Variants in STEAP2 observed in about 807,000 individuals in gnomAD.
STEAP2 encodes STEAP2 metalloreductase.
Under a neutral mutation model 46.4 loss-of-function variants are expected in STEAP2, and 30 were observed. That is an observed-to-expected ratio of 0.65 (90% CI 0.48 to 0.88). The LOEUF (loss-of-function observed/expected upper bound fraction) is 0.88. Among genes scored for constraint, STEAP2 ranks in the 40% least tolerant of loss-of-function variants. The probability of loss-of-function intolerance (pLI) is 0.00; values close to 1 mark genes in which losing one functional copy is unlikely to be tolerated. For missense variants in STEAP2, 513 were observed against 579.3 expected (o/e 0.89, Z 1.18); for synonymous variants, 180 against 200.5 (o/e 0.90, Z 0.86).
At chr7:90,224,165 G>T (rs1174220761) in intron 2 of STEAP2, among the ~76,000 whole-genome samples, 1 of 151,886 alleles carries the variant, frequency 6.6e-6, no homozygotes, top group Non-Finnish European at 1.5e-5. Context: ...TTTTTCATGT[G>T]CTCTAGTGAG....
At chr7:90,240,171 G>C (rs1201259197), downstream of STEAP2, among the ~76,000 whole-genome samples, 1 of 152,048 alleles carries the variant, frequency 6.6e-6, no homozygotes, top group East Asian at 1.9e-4. The surrounding 1 kb of genome is among the most constrained non-coding windows in gnomAD (Gnocchi z 4.1). Flanking sequence ...TGCTCGTGAG[G>C]CTAAGGTGGG....
intron 5 of STEAP2, among the ~76,000 whole-genome samples, chr7:90,231,224 TTAA>T (rs2116351238): frequency 6.6e-6 from 1 of 152,066 alleles, no homozygotes; most frequent in South Asian, 2.1e-4. Flanking sequence ...TGAAGTATTC[TTAA>T]TAAACTCTAT....
intron 2 of STEAP2, among the ~76,000 whole-genome samples, chr7:90,223,194 C>A (rs1290687882): frequency 6.6e-6 from 1 of 152,176 alleles, no homozygotes; most frequent in Non-Finnish European, 1.5e-5. Context: ...ACTTGAAGGG[C>A]TGTAGGCAGG....
Position 90,234,423 on chromosome 7 carries a change from CTT to C in STEAP2, c.*1802_*1803del. 1.0e-6 allele frequency: 1 copy of C among 984,986 alleles called. No homozygotes were observed. Among genetic ancestry groups the C allele is most frequent in the Non-Finnish European group, 1.2e-6 (1 of 829,692 alleles). The allele number at this position is 984,986 out of a possible 1,614,324, so 61.0% of individuals were successfully genotyped here. A position where few individuals can be genotyped will look rare whatever the true frequency, so the allele number is the denominator to read the frequency against. On this transcript the variant is annotated 3_prime_UTR_variant, in exon 6 of 6. Coordinates refer to ENST00000394621, the MANE Select transcript of STEAP2 (RefSeq NM_001244944.2). ...AATCCAACTGCCAACAATAAAAAGACTTTTATTTAGTAGAGGCTACCTTTCCC... is the reference window on the plus strand; with the variant it reads ...AATCCAACTGCCAACAATAAAAAGACTTATTTAGTAGAGGCTACCTTTCCC...
chr7:90,233,085 GT>G lies in STEAP2; in HGVS notation c.*463del, dbSNP rs2116374737. 1.0e-6 allele frequency: 1 copy of G among 984,712 alleles called. No homozygotes were observed. Among genetic ancestry groups the G allele is most frequent in the Non-Finnish European group, 1.2e-6 (1 of 829,342 alleles). 61.0% of individuals were successfully genotyped at this position (984,712 alleles called of 1,614,324 possible). A position where few individuals can be genotyped will look rare whatever the true frequency, so the allele number is the denominator to read the frequency against. On this transcript the variant is annotated 3_prime_UTR_variant, in exon 6 of 6. Transcript: ENST00000394621. The stretch of plus-strand genomic sequence containing the variant: ...TATACATTTTTTTAAGAAAGGACAC[GT>G]TATGTTAGCATCTAGGTAAGGCTGC...
intron 5 of STEAP2, 62 bp from the exon 6 acceptor site, chr7:90,232,275 T>C (rs1795785426): frequency 6.9e-7 from 1 of 1,455,780 alleles, no homozygotes; most frequent in African/African-American, 1.4e-5. Context: ...ATAGTTTAAT[T>C]TATGAGTTTC....
At chr7:90,223,522 T>A (rs1345475463) in intron 2 of STEAP2, among the ~76,000 whole-genome samples, 1 of 152,234 alleles carries the variant, frequency 6.6e-6, no homozygotes, top group African/African-American at 2.4e-5. Context: ...GTCATAGCGA[T>A]GGTGGTGAGC....
chr7:90,243,096 CA>C (rs1253493549), downstream of STEAP2, among the ~76,000 whole-genome samples: 4 of 152,184 alleles, frequency 2.6e-5, no homozygotes, highest in East Asian at 7.7e-4. Context: ...CTACTCTCAA[CA>C]AAACTTGGTC....
At chr7:90,221,441 C>T (rs757116604) in intron 2 of STEAP2, among the ~76,000 whole-genome samples, 1 of 151,988 alleles carries the variant, frequency 6.6e-6, no homozygotes, top group Non-Finnish European at 1.5e-5. Context: ...AGTATAGTGA[C>T]TTTTGGTTTC....
rs1358839419 is a variant in STEAP2, at chr7:90,232,806, A to T, written c.*182A>T. On this transcript the variant is annotated 3_prime_UTR_variant, in exon 6 of 6. Coordinates refer to ENST00000394621, the MANE Select transcript of STEAP2 (RefSeq NM_001244944.2). ...AATTTTCACAAATGTCATGTTTGCC[A>T]ATATGAATTTTTCTAGTCAACATAT... 31 of 1,302,710 alleles carry T rather than the reference A, an allele frequency of 2.4e-5. No individual in the cohort carries two copies. The highest frequency in any genetic ancestry group is 8.8e-6 in the Non-Finnish European group (9 of 1,025,422). 80.7% of individuals were successfully genotyped at this position (1,302,710 alleles called of 1,614,324 possible).
At chr7:90,224,615 C>G (rs1310833411) in intron 2 of STEAP2, among the ~76,000 whole-genome samples, 1 of 152,202 alleles carries the variant, frequency 6.6e-6, no homozygotes, top group African/African-American at 2.4e-5. Flanking sequence ...GCTAAGCCCC[C>G]ATTTGGGGGC....
chr7:90,212,833 C>G (rs1378961899), intron 1 of STEAP2, among the ~76,000 whole-genome samples: 2 of 145,640 alleles, frequency 1.4e-5, no homozygotes, highest in Non-Finnish European at 3.0e-5. Context: ...CCCCCACCCC[C>G]ACCCCCAACC....
At position 90,235,090 on chromosome 7, in the gene STEAP2, T is replaced by C; in HGVS notation, c.*2466T>C. Reference sequence around the variant, plus strand: ...CTTAACCACTTAATGTGATGAAATATTCCTAAAAGTTAAATGACTATTAAA... The same window carrying C: ...CTTAACCACTTAATGTGATGAAATACTCCTAAAAGTTAAATGACTATTAAA... On this transcript the variant is annotated 3_prime_UTR_variant, in exon 6 of 6. Coordinates refer to ENST00000394621, the MANE Select transcript of STEAP2 (RefSeq NM_001244944.2). The C allele has an allele frequency of 1.1e-6, 1 of 946,308 alleles. No individual in the cohort carries two copies. Among genetic ancestry groups the C allele is most frequent in the Non-Finnish European group, 1.3e-6 (1 of 794,094 alleles). The allele number at this position is 946,308 out of a possible 1,614,324, so 58.6% of individuals were successfully genotyped here.
At chr7:90,229,464 A>G (rs1584245768) in intron 4 of STEAP2, among the ~76,000 whole-genome samples, 1 of 152,306 alleles carries the variant, frequency 6.6e-6, no homozygotes, top group East Asian at 1.9e-4. Flanking sequence ...AGGCCAGACT[A>G]TATCCCAGAT....
In STEAP2 at chr7:90,232,898, A is replaced by G. The variant is rs1168563783; in HGVS notation, c.*274A>G. 1 of 1,050,092 alleles carries G rather than the reference A, an allele frequency of 9.5e-7. No individual in the cohort carries two copies. Among genetic ancestry groups the G allele is most frequent in the East Asian group, 6.7e-5 (1 of 14,860 alleles). The allele number at this position is 1,050,092 out of a possible 1,614,324, so 65.0% of individuals were successfully genotyped here. A position where few individuals can be genotyped will look rare whatever the true frequency, so the allele number is the denominator to read the frequency against. ...TAACCCTGTTGTTACTTTATATTTCATAATCAGGCAAAAATACTTACAGTT... is the reference window on the plus strand; with the variant it reads ...TAACCCTGTTGTTACTTTATATTTCGTAATCAGGCAAAAATACTTACAGTT... On this transcript the variant is annotated 3_prime_UTR_variant, in exon 6 of 6. Transcript: ENST00000394621.
chr7:90,228,238 G>A (rs1167636306), intron 4 of STEAP2, among the ~76,000 whole-genome samples: 2 of 152,162 alleles, frequency 1.3e-5, no homozygotes, highest in Non-Finnish European at 2.9e-5. Flanking sequence ...TGAAAGCCAA[G>A]AACATTGCAC....
intron 4 of STEAP2, among the ~76,000 whole-genome samples, chr7:90,227,930 A>G (rs1277935839): frequency 6.6e-6 from 1 of 152,200 alleles, no homozygotes; most frequent in Non-Finnish European, 1.5e-5. Context: ...AGGAGAAAAA[A>G]GTCGAATACA....
Position 90,236,616 on chromosome 7 carries a change from C to CTT in STEAP2, c.*4000_*4001dup. On this transcript the variant is annotated 3_prime_UTR_variant, in exon 6 of 6. Transcript: ENST00000394621. ...TTTACATGAATGAATGGGTTCTTCA[C>CTT]TTTTTTTTTAGTATGAGAAAATTAT... 1 of 1,131,924 alleles carries CTT rather than the reference C, an allele frequency of 8.8e-7. No individual in the cohort carries two copies. Among genetic ancestry groups the CTT allele is most frequent in the Non-Finnish European group, 1.1e-6 (1 of 922,676 alleles). 70.1% of individuals were successfully genotyped at this position (1,131,924 alleles called of 1,614,324 possible). A position where few individuals can be genotyped will look rare whatever the true frequency, so the allele number is the denominator to read the frequency against.
At chr7:90,241,443 A>C (rs182692261), downstream of STEAP2, among the ~76,000 whole-genome samples, 1 of 152,220 alleles carries the variant, frequency 6.6e-6, no homozygotes, top group Non-Finnish European at 1.5e-5. Flanking sequence ...TCAAAATAAA[A>C]AGTAATTTAT....
Sources: allele counts gnomAD v4.1 joint callset (sites outside exome capture counted in the v4.1 genomes callset), GRCh38; gene constraint gnomAD v4.1.1; non-coding constraint Gnocchi (gnomAD v3.1); transcripts MANE v1.5; gene names NCBI Gene and HGNC (gene_info 2026-07-23, HGNC 2026-07-21).